Variants in CHST9 observed in about 807,000 individuals in gnomAD.
CHST9 encodes carbohydrate sulfotransferase 9, also known as GalNAc-4-sulfotransferase 2.
Under a neutral mutation model 44.4 loss-of-function variants are expected in CHST9, and 41 were observed. That is an observed-to-expected ratio of 0.92 (90% CI 0.72 to 1.20). CHST9 has a LOEUF of 1.20. Among genes scored for constraint, CHST9 ranks in the 50% most tolerant of loss-of-function variants. The pLI is 0.00. For synonymous variants in CHST9, 171 were observed against 178.4 expected (o/e 0.96, Z 0.33); for missense variants, 504 against 516.5 (o/e 0.98, Z 0.23).
intron 2 of CHST9, among the ~76,000 whole-genome samples, chr18:27,142,339 T>C (rs1378286742): frequency 2.0e-5 from 3 of 152,230 alleles, no homozygotes; most frequent in African/African-American, 7.2e-5. Context: ...CTGCTGTACA[T>C]TCAGGGCCTT....
rs556894253 is a variant in CHST9 at position 26,974,798 on chromosome 18, C to T, written c.203-30432G>A. 3.3e-5 allele frequency among the ~76,000 whole-genome samples: 5 copies of T among 152,140 alleles called. No individual in the cohort carries two copies. The East Asian group carries it at 5.8e-4, about 18-fold the overall frequency. Reference sequence around the variant, plus strand: ...AGATGATTCTCCTGCCTCAGCCTCCCGAGGAGCTGGGATTACAGGCGTGTG... The same window carrying T: ...AGATGATTCTCCTGCCTCAGCCTCCTGAGGAGCTGGGATTACAGGCGTGTG... On this transcript the variant is annotated intron_variant, in intron 4 of 5. Transcript: ENST00000618847.
chr18:27,071,728 C>T (rs1245020976), intron 2 of CHST9, among the ~76,000 whole-genome samples: 1 of 152,132 alleles, frequency 6.6e-6, no homozygotes, highest in Non-Finnish European at 1.5e-5. Flanking sequence ...ACAAAATGAA[C>T]TGTGCATTAT....
chr18:27,037,134 T>C (rs1331295150), intron 3 of CHST9, among the ~76,000 whole-genome samples: 1 of 152,204 alleles, frequency 6.6e-6, no homozygotes, highest in South Asian at 2.1e-4. Context: ...TCAAATTGTT[T>C]TTAAAAATCT....
At chr18:26,919,459 A>C (rs1415705549) in intron 5 of CHST9, among the ~76,000 whole-genome samples, 2 of 152,182 alleles carry the variant, frequency 1.3e-5, no homozygotes, top group Non-Finnish European at 2.9e-5. Context: ...ACATGCATGG[A>C]AAGTACTTAG....
chr18:27,083,330 G>C (rs1041888065), intron 2 of CHST9, among the ~76,000 whole-genome samples: 1 of 152,094 alleles, frequency 6.6e-6, no homozygotes, highest in African/African-American at 2.4e-5. Flanking sequence ...GCCATTAATT[G>C]TTTAAGGCAC....
At chr18:27,103,640 C>T (rs1344252518) in intron 2 of CHST9, among the ~76,000 whole-genome samples, 2 of 152,206 alleles carry the variant, frequency 1.3e-5, no homozygotes, top group African/African-American at 2.4e-5. Context: ...ATATCATTTA[C>T]AATCAATAAG....
chr18:27,127,436 T>G (rs1427169992), intron 2 of CHST9, among the ~76,000 whole-genome samples: 2 of 152,034 alleles, frequency 1.3e-5, no homozygotes, highest in Non-Finnish European at 2.9e-5. Context: ...TGAAAAGGAC[T>G]TATTGGATTT....
Position 27,055,382 on chromosome 18 carries a change from G to A in CHST9, c.122-6879C>T, listed in dbSNP as rs151187038. On this transcript the variant is annotated intron_variant, in intron 2 of 5. Transcript: ENST00000618847. Reference sequence around the variant, plus strand: ...GAATCTGTAGTGCTTCTATACTTCCGAGTTAACTAGAAAAAGTGGAAGGTG... The same window carrying A: ...GAATCTGTAGTGCTTCTATACTTCCAAGTTAACTAGAAAAAGTGGAAGGTG... Among the ~76,000 whole-genome samples, 236 of 152,162 alleles carry A rather than the reference G, an allele frequency of 1.6e-3. 1 individual carries two copies. Among genetic ancestry groups the A allele is most frequent in the African/African-American group, 5.5e-3 (228 of 41,524 alleles).
intron 4 of CHST9, among the ~76,000 whole-genome samples, chr18:26,986,402 G>A (rs982555642): frequency 6.6e-6 from 1 of 151,944 alleles, no homozygotes; most frequent in African/African-American, 2.4e-5. Context: ...CAAAAACACA[G>A]AGAAAAGATA....
rs531055207 is a variant in CHST9, at chr18:27,097,123, T to C, written c.121+45566A>G. ...CCCGGGATACAAGGTTGGTTCAATA[T>C]ACATCAAATAAATGTGATTTACCAC... On this transcript the variant is annotated intron_variant, in intron 2 of 5. Transcript: ENST00000618847. 3.9e-5 allele frequency among the ~76,000 whole-genome samples: 6 copies of C among 152,236 alleles called. No homozygotes were observed. The South Asian group carries it at 6.2e-4, about 16-fold the overall frequency.
chr18:26,938,666 A>G (rs2056036131), intron 5 of CHST9, among the ~76,000 whole-genome samples: 1 of 152,240 alleles, frequency 6.6e-6, no homozygotes, highest in South Asian at 2.1e-4. Flanking sequence ...AGAATCAGGT[A>G]CTCAAGTCTT....
chr18:27,163,361 T>A lies in CHST9; in HGVS notation c.-96-20456A>T, dbSNP rs879880684. 2.0e-5 allele frequency among the ~76,000 whole-genome samples: 3 copies of A among 152,148 alleles called. No homozygotes were observed. The East Asian group carries it at 5.8e-4, about 29-fold the overall frequency. ...AGGCTGTCAGACAGGGACATTTAAG[T>A]CTGCAGAGGATTCTGCTGCCTTTTG... On this transcript the variant is annotated intron_variant, in intron 1 of 5. Coordinates refer to ENST00000618847, the MANE Select transcript of CHST9 (RefSeq NM_031422.6).
At chr18:27,182,111 A>G (rs534178165) in intron 1 of CHST9, among the ~76,000 whole-genome samples, 1 of 142,000 alleles carries the variant, frequency 7.0e-6, no homozygotes, top group Admixed American at 7.3e-5. Context: ...ATTTTACATT[A>G]TCTTTGCCTC....
intron 2 of CHST9, among the ~76,000 whole-genome samples, chr18:27,054,366 AT>A (rs1401072962): frequency 1.3e-5 from 2 of 152,302 alleles, no homozygotes; most frequent in African/African-American, 4.8e-5. Context: ...ACATTAAAAT[AT>A]GGTTTGCATC....
rs369804408 is a variant in CHST9 at position 26,969,192 on chromosome 18, C to T, written c.203-24826G>A. ...TTATTTTTTGTACTTTTAGTGGAGA[C>T]GGGGTTTCACCGTATTAGCCAGGTT... is the stretch of plus-strand genomic sequence containing the variant. On this transcript the variant is annotated intron_variant, in intron 4 of 5. Transcript: ENST00000618847. 1.3e-3 allele frequency among the ~76,000 whole-genome samples: 202 copies of T among 151,914 alleles called. 1 individual carries two copies. Among genetic ancestry groups the T allele is most frequent in the African/African-American group, 4.6e-3 (190 of 41,442 alleles).
intron 2 of CHST9, among the ~76,000 whole-genome samples, chr18:27,112,100 A>C (rs985385589): frequency 6.7e-6 from 1 of 148,588 alleles, no homozygotes; most frequent in Non-Finnish European, 1.5e-5. Context: ...ATGCGTATAA[A>C]TATATTAATA....
At position 27,098,309 on chromosome 18, in the gene CHST9, C is replaced by G. The variant is rs554718437; in HGVS notation, c.121+44380G>C. Among the ~76,000 whole-genome samples the G allele has an allele frequency of 5.9e-5, 9 of 152,086 alleles. No individual in the cohort carries two copies. The South Asian group carries it at 1.9e-3, about 32-fold the overall frequency. On this transcript the variant is annotated intron_variant, in intron 2 of 5. Coordinates refer to ENST00000618847, the MANE Select transcript of CHST9 (RefSeq NM_031422.6). ...CAATGATTAGAAAGTCAGGAAACAA[C>G]AGATGCTGGTGAGGCTGAAGAGAAA...
At chr18:26,969,380 G>C (rs759853837) in intron 4 of CHST9, among the ~76,000 whole-genome samples, 24 of 65,426 alleles carry the variant, frequency 3.7e-4, no homozygotes, top group Admixed American at 9.8e-4. Context: ...CTCTCTCTGT[G>C]TGTGTGTGTG....
intron 2 of CHST9, among the ~76,000 whole-genome samples, chr18:27,112,885 C>A (rs901649649): frequency 6.6e-6 from 1 of 152,072 alleles, no homozygotes; most frequent in African/African-American, 2.4e-5. Context: ...AATTTGCTGC[C>A]TATATCTTTT....
Sources: allele counts gnomAD v4.1 joint callset (sites outside exome capture counted in the v4.1 genomes callset), GRCh38; gene constraint gnomAD v4.1.1; transcripts MANE v1.5; gene names NCBI Gene and HGNC (gene_info 2026-07-23, HGNC 2026-07-21).